Variants in LAMA5 observed in about 807,000 individuals in gnomAD.
LAMA5 encodes the protein laminin subunit alpha-5.
In LAMA5, 260 loss-of-function variants were observed where a neutral mutation model predicts 433.4. The observed-to-expected ratio is 0.60, with a 90% CI of 0.54 to 0.66. The LOEUF (loss-of-function observed/expected upper bound fraction) is 0.66. LAMA5 is among the 30% of genes least tolerant of loss of function. LAMA5 has a pLI of 0.00. For missense variants in LAMA5, 5,378 were observed against 5,258.5 expected, an observed-to-expected ratio of 1.02 and a Z score of -0.70; for synonymous variants, 2,620 against 2,226.6, an observed-to-expected ratio of 1.18 and a Z score of -4.97.
At position 62,367,302 on chromosome 20, in the gene LAMA5, C is replaced by G; in HGVS notation, c.-57G>C. On this transcript the variant is annotated 5_prime_UTR_variant, in exon 1 of 80. Transcript: ENST00000252999. ...CAGGGACAGCGCGCGCGGCGGGAGCCCGGCGGGTCTGAAGCCAGGCGGCCG... is the reference window on the plus strand; with the variant it reads ...CAGGGACAGCGCGCGCGGCGGGAGCGCGGCGGGTCTGAAGCCAGGCGGCCG... The G allele has an allele frequency of 9.0e-7, 1 of 1,117,004 alleles. No homozygotes were observed. The allele number at this position is 1,117,004 out of a possible 1,614,324, so 69.2% of individuals were successfully genotyped here.
rs2146278291 is a variant in LAMA5 at position 62,345,959 on chromosome 20, G to A, written c.1418-82C>T. On this transcript the variant is annotated intron_variant, in intron 10 of 79. Coordinates refer to ENST00000252999, the MANE Select transcript of LAMA5 (RefSeq NM_005560.6). ...ACCCCCTGCCACCCTTGGTCTCTCA[G>A]CACAATCGGAGATGCAGGCAGGATA... 1.9e-6 allele frequency: 3 copies of A among 1,568,390 alleles called. No homozygotes were observed. The Middle Eastern group carries it at 5.1e-4, about 265-fold the overall frequency.
In LAMA5 at chr20:62,340,297, C is replaced by T. The variant is rs906615845; in HGVS notation, c.1478-1689G>A. Among the ~76,000 whole-genome samples the T allele has an allele frequency of 1.2e-4, 17 of 138,762 alleles. No homozygotes were observed. In the Admixed American group the frequency reaches 1.3e-3, roughly 11 times the overall value. The allele number at this position is 138,762 out of a possible 152,430, so 91.0% of individuals were successfully genotyped here. Reference sequence around the variant, plus strand: ...GGGTTTGAAGAGCATAATGAACAAGCCTCCTTTGTTTTTTTTTTTTTTTTT... The same window carrying T: ...GGGTTTGAAGAGCATAATGAACAAGTCTCCTTTGTTTTTTTTTTTTTTTTT... On this transcript the variant is annotated intron_variant, in intron 11 of 79. Transcript: ENST00000252999.
chr20:62,346,252 C>G (rs1338899730), intron 9 of LAMA5, 37 bp from the exon 10 acceptor site: 7 of 1,594,368 alleles, frequency 4.4e-6, no homozygotes, highest in Non-Finnish European at 6.0e-6. Context: ...CCTGGAGCTA[C>G]CAGGACTCAA....
intron 2 of LAMA5, among the ~76,000 whole-genome samples, chr20:62,354,456 T>G (rs1273608506): frequency 6.6e-6 from 1 of 151,500 alleles, no homozygotes; most frequent in Non-Finnish European, 1.5e-5. Context: ...CCACCCGACA[T>G]GACCGTGGGC....
chr20:62,309,937 C>G, intron 78 of LAMA5, 51 bp downstream of exon 78: 1 of 1,606,270 alleles, frequency 6.2e-7, no homozygotes, highest in Non-Finnish European at 8.5e-7. Context: ...GGCTCCCGCT[C>G]TGCAGAAGGG....
chr20:62,319,588 C>T, intron 51 of LAMA5, 96 bp downstream of exon 51: 3 of 830,504 alleles, frequency 3.6e-6, no homozygotes, highest in South Asian at 3.1e-5. Flanking sequence ...CAGATCCTGC[C>T]TGTTCTTCCA....
chr20:62,333,042 C>A (rs572724272), intron 26 of LAMA5, 48 bp downstream of exon 26: 1 of 1,447,308 alleles, frequency 6.9e-7, no homozygotes, highest in East Asian at 2.5e-5. Context: ...AGCCCCCAGG[C>A]CAAGGTCCTG....
At chr20:62,315,527 C>G (rs1340948097) in intron 58 of LAMA5, among the ~76,000 whole-genome samples, 1 of 152,126 alleles carries the variant, frequency 6.6e-6, no homozygotes, top group Non-Finnish European at 1.5e-5. Context: ...AGGGGTCCCT[C>G]AGAAACTGGG....
Position 62,346,629 on chromosome 20 carries a change from G to A in LAMA5, c.1192-33C>T, listed in dbSNP as rs200462644. 2.8e-4 allele frequency: 457 copies of A among 1,610,258 alleles called. 1 individual carries two copies. The highest frequency in any genetic ancestry group is 1.1e-3 in the South Asian group (101 of 90,862). On this transcript the variant is annotated intron_variant, in intron 8 of 79. Transcript: ENST00000252999. ...TGCAATGGCCGTTGAGTCTGGGGAG[G>A]TCCCTGCCCCACCTCAGGGCCAGCC... is the stretch of plus-strand genomic sequence containing the variant.
rs763726733 is a variant in LAMA5, at chr20:62,311,923, G to T, written c.9632C>A (p.Thr3211Lys). ...AGGGCCCAGCGGCCAGGCTCACCCC[G>T]TGGCATTGCTGTAGAAGGCGACGTA... is the stretch of plus-strand genomic sequence containing the variant. ...PHYVAFYSNA[T>K]GVWLYVDDQL... Residue 3211 changes from threonine to lysine, a missense_variant, in exon 70 of 80, where the codon ACG becomes AAG. By Grantham distance (78) the Thr-to-Lys change is moderately conservative. Transcript: ENST00000252999. 1 of 1,569,886 alleles carries T rather than the reference G, an allele frequency of 6.4e-7. No homozygotes were observed.
In LAMA5 at chr20:62,338,497, G is replaced by A. The variant is rs149415741; in HGVS notation, c.1589C>T (p.Ala530Val). 974 of 1,609,170 alleles carry A rather than the reference G, an allele frequency of 6.1e-4. 5 individuals are homozygous for A. The African/African-American group carries it at 0.01, about 17-fold the overall frequency. ...NFQGTHCELC[A>V]PGFYGPGCQP... ...GCAGCCGGGGCCGTAGAACCCTGGC[G>A]CGCAGAGCTCACAATGGGTGCCTTG... is the stretch of plus-strand genomic sequence containing the variant. The change falls in exon 12 of 80, where the codon GCG becomes GTG. Residue 530 changes from alanine to valine, a missense_variant. Coordinates refer to ENST00000252999, the MANE Select transcript of LAMA5 (RefSeq NM_005560.6).
In LAMA5 at chr20:62,326,780, G is replaced by A. The variant is rs778602570; in HGVS notation, c.5215-20C>T. 2.5e-6 allele frequency: 4 copies of A among 1,611,636 alleles called. No individual in the cohort carries two copies. The African/African-American group carries it at 4.0e-5, about 16-fold the overall frequency. Reference sequence around the variant, plus strand: ...GTTGCCCTGGGAAGGCACATGGGGAGGTGAGGGTTGGCACGGGCCTGGACC... The same window carrying A: ...GTTGCCCTGGGAAGGCACATGGGGAAGTGAGGGTTGGCACGGGCCTGGACC... On this transcript the variant is annotated intron_variant, in intron 39 of 79. Transcript: ENST00000252999.
rs1261688848 is a variant in LAMA5, at chr20:62,333,600, G to A, written c.2985C>T (p.Thr995=). Reference sequence around the variant, plus strand: ...CTTCGGCCTCCACACGCAGGGCCCAGGTGCCAGGGTTCAGCACAAAGGGCT... The same window carrying A: ...CTTCGGCCTCCACACGCAGGGCCCAAGTGCCAGGGTTCAGCACAAAGGGCT... ...FGEPFVLNPG[T]WALRVEAEGV... Residue 995 remains threonine, a synonymous_variant, in exon 24 of 80, where the codon ACC becomes ACT. Coordinates refer to ENST00000252999, the MANE Select transcript of LAMA5 (RefSeq NM_005560.6). 5 of 1,573,164 alleles carry A rather than the reference G, an allele frequency of 3.2e-6. No individual in the cohort carries two copies. The highest frequency in any genetic ancestry group is 4.3e-6 in the Non-Finnish European group (5 of 1,159,686).
rs140214749 is a variant in LAMA5, at chr20:62,336,767, G to A, written c.2184C>T (p.Ala728=). The A allele has an allele frequency of 5.8e-5, 93 of 1,612,880 alleles. No individual in the cohort carries two copies. The African/African-American group carries it at 7.6e-4, about 13-fold the overall frequency. The change falls in exon 17 of 80, where the codon GCC becomes GCT. Residue 728 remains alanine (A), a synonymous_variant. Transcript: ENST00000252999. Reference sequence around the variant, plus strand: ...GGGCAGGATCCACTGGGGCCAGACCGGCAGGGTGGCAAGAGCCAGCTGTGA... The same window carrying A: ...GGGCAGGATCCACTGGGGCCAGACCAGCAGGGTGGCAAGAGCCAGCTGTGA... ...PYCEAGSCHP[A]GLAPVDPALP...
chr20:62,319,486 C>T (rs1236199761), intron 51 of LAMA5, among the ~76,000 whole-genome samples, 198 bp downstream of exon 51: 2 of 152,160 alleles, frequency 1.3e-5, no homozygotes, highest in South Asian at 2.1e-4. Context: ...TGACGTCTCC[C>T]GGGGCCACCT....
chr20:62,355,347 C>G (rs1219283914), intron 2 of LAMA5: 2 of 152,378 alleles, frequency 1.3e-5, no homozygotes, highest in African/African-American at 4.8e-5. Context: ...GAGTGGGGTC[C>G]CCCAGAGCTG....
chr20:62,326,736 G>A lies in LAMA5; in HGVS notation c.5239C>T (p.Leu1747=), dbSNP rs764387266. The A allele has an allele frequency of 2.5e-6, 4 of 1,613,022 alleles. No individual in the cohort carries two copies. In the South Asian group the frequency reaches 3.3e-5, roughly 13 times the overall value. The change falls in exon 40 of 80, where the codon CTG becomes TTG. Residue 1747 remains leucine, a synonymous_variant. Coordinates refer to ENST00000252999, the MANE Select transcript of LAMA5 (RefSeq NM_005560.6). ...CCAGGCGTGGGGTATGCCGGCTCCA[G>A]GAATGTGATGCTCATCTGGTTGCCC... The part of the protein sequence containing the change: ...LQGNQMSITF[L]EPAYPTPGHV...
rs575649468 is a variant in LAMA5, at chr20:62,356,654, G to T, written c.451-3403C>A. On this transcript the variant is annotated intron_variant, in intron 2 of 79. Transcript: ENST00000252999. ...CCCGGTGACCACTGCCTCACAGGGG[G>T]TGGGCAAGAGCCCCAGGAGTACGGG... 5.8e-4 allele frequency among the ~76,000 whole-genome samples: 88 copies of T among 152,236 alleles called. 2 individuals carry two copies. The South Asian group carries it at 0.018, about 31-fold the overall frequency.
rs1220625315 is a variant in LAMA5, at chr20:62,359,157, C to T, written c.450+3243G>A. Among the ~76,000 whole-genome samples, 5 of 152,164 alleles carry T rather than the reference C, an allele frequency of 3.3e-5. No homozygotes were observed. The highest frequency in any genetic ancestry group is 9.7e-5 in the African/African-American group (4 of 41,438). On this transcript the variant is annotated intron_variant, in intron 2 of 79. Coordinates refer to ENST00000252999, the MANE Select transcript of LAMA5 (RefSeq NM_005560.6). This position sits in a 1 kb window ranked among gnomAD's most constrained non-coding sequence, Gnocchi z 4.3. ...TGCTCTACAGAGAACAAAGCAGGGGCCTCCCTACCGGAAGGGGGCCCGTGC... is the reference window on the plus strand; with the variant it reads ...TGCTCTACAGAGAACAAAGCAGGGGTCTCCCTACCGGAAGGGGGCCCGTGC...
Sources: allele counts gnomAD v4.1 joint callset (sites outside exome capture counted in the v4.1 genomes callset), GRCh38; gene constraint gnomAD v4.1.1; non-coding constraint Gnocchi (gnomAD v3.1); transcripts MANE v1.5; gene names NCBI Gene and HGNC (gene_info 2026-07-23, HGNC 2026-07-21).